SV2A: variants seen among roughly 807,000 people sequenced by gnomAD.
SV2A encodes the protein solute carrier family 22 member B1.
A neutral mutation model predicts 78.0 loss-of-function variants in SV2A; 25 were observed. That is an observed-to-expected ratio of 0.32 (90% confidence interval 0.23 to 0.45). SV2A has a LOEUF of 0.45. SV2A is among the 20% of genes least tolerant of loss of function. The pLI, the probability that SV2A is intolerant of heterozygous loss-of-function variation, is 1.00. For missense variants in SV2A, 752 were observed against 971.5 expected, an observed-to-expected ratio of 0.77 and a Z score of 3.00; for synonymous variants, 355 against 384.7, an observed-to-expected ratio of 0.92 and a Z score of 0.90.
At chr1:149,917,369 G>A (rs1174480764) in intron 1 of SV2A, among the ~76,000 whole-genome samples, 3 of 151,446 alleles carry the variant, frequency 2.0e-5, no homozygotes, top group African/African-American at 7.4e-5. Context: ...ATTCATCCTG[G>A]GGGTGGGGGG....
Position 149,913,508 on chromosome 1 carries a change from C to T in SV2A, c.333G>A (p.Glu111=), listed in dbSNP as rs782506579. The T allele has an allele frequency of 6.2e-7, 1 of 1,613,790 alleles. No individual in the cohort carries two copies. Among genetic ancestry groups the T allele is most frequent in the Non-Finnish European group, 8.5e-7 (1 of 1,179,936 alleles). The change falls in exon 2 of 13, where the codon GAG becomes GAA. Residue 111 remains glutamate (E), a synonymous_variant. Coordinates refer to ENST00000369146, the MANE Select transcript of SV2A (RefSeq NM_014849.5). ...IPRAESGGKG[E]RMADGAPLAG... is the part of the protein sequence containing the mutation. ...CCAGGGGCGCCCCATCTGCCATCCGCTCGCCTTTGCCCCCAGACTCTGCCC... is the reference window on the plus strand; with the variant it reads ...CCAGGGGCGCCCCATCTGCCATCCGTTCGCCTTTGCCCCCAGACTCTGCCC...
chr1:149,912,141 G>A (rs1338191499), intron 2 of SV2A, among the ~76,000 whole-genome samples, 161 bp from the exon 3 acceptor site: 2 of 152,194 alleles, frequency 1.3e-5, no homozygotes, highest in Non-Finnish European at 2.9e-5. Context: ...TGTAAGCAAA[G>A]ATAGAAGATC....
At chr1:149,909,426 C>A in intron 7 of SV2A, 35 bp downstream of exon 7, 1 of 1,589,920 alleles carries the variant, frequency 6.3e-7, no homozygotes, top group Non-Finnish European at 8.6e-7. Context: ...CCACTTCCCC[C>A]ACTCCCTTCT....
Position 149,907,741 on chromosome 1 carries a change from A to G in SV2A, c.1637T>C (p.Phe546Ser). Reference sequence around the variant, plus strand: ...AGTGTTGATGAATGTGCAGTTGCGGAAAAACGTGTTGCTGGATGTGACATC... The same window carrying G: ...AGTGTTGATGAATGTGCAGTTGCGGGAAAACGTGTTGCTGGATGTGACATC... ...FEDVTSSNTF[F>S]RNCTFINTVF... is the part of the protein sequence containing the mutation. Residue 546 changes from phenylalanine (F) to serine (S), a missense_variant, in exon 10 of 13, where the codon TTC becomes TCC. Transcript: ENST00000369146. 1 of 1,614,140 alleles carries G rather than the reference A, an allele frequency of 6.2e-7. No homozygotes were observed. Among genetic ancestry groups the G allele is most frequent in the Non-Finnish European group, 8.5e-7 (1 of 1,180,008 alleles).
chr1:149,917,283 G>GCCCCCCCC (rs587740146), intron 1 of SV2A, among the ~76,000 whole-genome samples: 2 of 149,734 alleles, frequency 1.3e-5, no homozygotes, highest in African/African-American at 5.0e-5. Flanking sequence ...TTCTTCCCCT[G>GCCCCCCCC]CCCCCCACCC....
chr1:149,917,283 G>GC (rs587740146), intron 1 of SV2A, among the ~76,000 whole-genome samples: 177 of 149,846 alleles, frequency 1.2e-3, no homozygotes, highest in Middle Eastern at 7.0e-3. Flanking sequence ...TTCTTCCCCT[G>GC]CCCCCCACCC....
At chr1:149,907,876 A>G in intron 9 of SV2A, 43 bp from the exon 10 acceptor site, 1 of 1,604,284 alleles carries the variant, frequency 6.2e-7, no homozygotes, top group Non-Finnish European at 8.5e-7. Flanking sequence ...CGTCATCCTC[A>G]TGCCCCCTCC....
At chr1:149,908,701 G>T (rs372981929) in intron 8 of SV2A, among the ~76,000 whole-genome samples, 1 of 152,012 alleles carries the variant, frequency 6.6e-6, no homozygotes, top group African/African-American at 2.4e-5. Flanking sequence ...GCAGTGGCGC[G>T]ATCTCGACTC....
At chr1:149,916,435 A>C (rs1017883095) in intron 1 of SV2A, among the ~76,000 whole-genome samples, 6 of 152,222 alleles carry the variant, frequency 3.9e-5, no homozygotes, top group Non-Finnish European at 7.3e-5. Flanking sequence ...GGGGAGTGAG[A>C]CAAGACTTGG....
rs781968930 is a variant in SV2A at position 149,906,048 on chromosome 1, A to G, written c.1886-9T>C. On this transcript the variant is annotated splice_polypyrimidine_tract_variant and intron_variant, in intron 11 of 12. Transcript: ENST00000369146. ...CATCACGCTGGAGCCAGCTGGAGCC[A>G]GGAGAGGAGAGAGCAACATGAGCCT... 33 of 1,613,892 alleles carry G rather than the reference A, an allele frequency of 2.0e-5. No individual in the cohort carries two copies. Among genetic ancestry groups the G allele is most frequent in the Non-Finnish European group, 2.6e-5 (31 of 1,180,000 alleles).
intron 3 of SV2A, among the ~76,000 whole-genome samples, chr1:149,911,257 G>C (rs1553763737): frequency 6.6e-6 from 1 of 152,190 alleles, no homozygotes; most frequent in African/African-American, 2.4e-5. Context: ...TTGCAGAAAA[G>C]AGAATAAATC....
chr1:149,909,081 A>G, intron 8 of SV2A, 111 bp downstream of exon 8: 2 of 1,050,058 alleles, frequency 1.9e-6, no homozygotes, highest in South Asian at 2.7e-5. Flanking sequence ...GGGGGTCTGC[A>G]TGGCACCTTC....
At chr1:149,905,676 C>T (rs1003894506) in intron 12 of SV2A, 3 of 623,926 alleles carry the variant, frequency 4.8e-6, no homozygotes, top group African/African-American at 3.7e-5. Context: ...CTCCTGACCT[C>T]AGGTGATCTG....
rs987563172 is a variant in SV2A, at chr1:149,917,730, G to C, written c.-348+9C>G. ...GGGAGGAGGTGAGCGACTGAGAAAG[G>C]GGTCTCACCTGGTCTAGGTTCCCCG... is the stretch of plus-strand genomic sequence containing the variant. On this transcript the variant is annotated intron_variant, in intron 1 of 12. Coordinates refer to ENST00000369146, the MANE Select transcript of SV2A (RefSeq NM_014849.5). 2 of 152,186 alleles carry C rather than the reference G, an allele frequency of 1.3e-5. No individual in the cohort carries two copies. Among genetic ancestry groups the C allele is most frequent in the Admixed American group, 6.5e-5 (1 of 15,276 alleles). 9.4% of individuals were successfully genotyped at this position (152,186 alleles called of 1,614,324 possible).
At chr1:149,905,371 G>A in intron 12 of SV2A, 174 bp from the exon 13 acceptor site, 2 of 572,388 alleles carry the variant, frequency 3.5e-6, no homozygotes, top group Non-Finnish European at 5.9e-6. Context: ...AATAAATTGA[G>A]AGACAAAGGG....
In SV2A at chr1:149,913,645, A is replaced by G. The variant is rs1553764141; in HGVS notation, c.196T>C (p.Tyr66His). ...TCATCCTGGGTCCCTTCTCCTCGGT[A>G]ATAACCATCACTGGGAGCAGGGAAG... ...DDFPAPSDGY[Y>H]RGEGTQDEEE... is the part of the protein sequence containing the mutation. The change falls in exon 2 of 13, where the codon TAC becomes CAC. Residue 66 changes from tyrosine to histidine, a missense_variant. Coordinates refer to ENST00000369146, the MANE Select transcript of SV2A (RefSeq NM_014849.5). 1.2e-6 allele frequency: 2 copies of G among 1,614,124 alleles called. No homozygotes were observed. Among genetic ancestry groups the G allele is most frequent in the East Asian group, 2.2e-5 (1 of 44,874 alleles).
chr1:149,915,160 A>G (rs1017429989), intron 1 of SV2A, among the ~76,000 whole-genome samples: 2 of 152,196 alleles, frequency 1.3e-5, no homozygotes, highest in Non-Finnish European at 2.9e-5. Context: ...GGATAATTAA[A>G]TTGGGAGACT....
chr1:149,916,317 C>T (rs926883674), intron 1 of SV2A, among the ~76,000 whole-genome samples: 1 of 152,158 alleles, frequency 6.6e-6, no homozygotes, highest in Non-Finnish European at 1.5e-5. Context: ...TCCTCAGGGC[C>T]AGCAAGCCCA....
intron 10 of SV2A, 169 bp from the exon 11 acceptor site, chr1:149,907,025 G>A (rs1458238770): frequency 2.1e-5 from 30 of 1,442,678 alleles, no homozygotes; most frequent in Non-Finnish European, 2.6e-5. Flanking sequence ...GGGAACTAGG[G>A]ATCTTTAGAG....
Sources: gnomAD v4.1 joint callset for allele counts (sites outside exome capture counted in the v4.1 genomes callset) on GRCh38, gnomAD v4.1.1 for gene constraint, MANE v1.5 for transcripts, NCBI Gene and HGNC (gene_info 2026-07-23, HGNC 2026-07-21) for gene names.